Variants in STXBP5L observed in about 807,000 individuals in gnomAD.
STXBP5L encodes syntaxin binding protein 5L.
Under a neutral mutation model 144.5 loss-of-function variants are expected in STXBP5L, and 65 were observed. The observed-to-expected ratio is 0.45, with a 90% confidence interval of 0.37 to 0.55. The LOEUF (loss-of-function observed/expected upper bound fraction) is 0.55, where lower values mean the gene tolerates loss of function less well. Ranked by LOEUF, STXBP5L falls within the 20% of genes least tolerant of loss-of-function variation. STXBP5L has a pLI of 0.00. For synonymous variants in STXBP5L, 505 were observed against 469.6 expected, an observed-to-expected ratio of 1.08 and a Z score of -0.97; for missense variants, 1,298 against 1,405.5, an observed-to-expected ratio of 0.92 and a Z score of 1.22.
intron 7 of STXBP5L, among the ~76,000 whole-genome samples, chr3:121,123,423 T>C (rs1025121587): frequency 1.3e-5 from 2 of 151,752 alleles, no homozygotes; most frequent in Admixed American, 1.3e-4. Context: ...AAATGAATGC[T>C]GATGTATTCA....
chr3:121,368,024 A>C (rs1443143140), intron 20 of STXBP5L, among the ~76,000 whole-genome samples: 2 of 151,788 alleles, frequency 1.3e-5, no homozygotes, highest in African/African-American at 4.8e-5. Flanking sequence ...GTTTCATCAA[A>C]TTTGAGAAGT....
intron 2 of STXBP5L, among the ~76,000 whole-genome samples, chr3:120,922,915 G>T (rs1709426775): frequency 6.6e-6 from 1 of 151,894 alleles, no homozygotes; most frequent in South Asian, 2.1e-4. Flanking sequence ...TTTTTGAAGA[G>T]TTTGAGTAGA....
In STXBP5L at chr3:121,106,234, G is replaced by A. The variant is rs573859046; in HGVS notation, c.471-8691G>A. 2.6e-5 allele frequency among the ~76,000 whole-genome samples: 4 copies of A among 152,118 alleles called. No individual in the cohort carries two copies. The East Asian group carries it at 7.7e-4, about 29-fold the overall frequency. On this transcript the variant is annotated intron_variant, in intron 5 of 26. Coordinates refer to ENST00000471454, the MANE Select transcript of STXBP5L (RefSeq NM_001308330.2). ...AAACGGATGTGTGTGTATAATCTGG[G>A]ACAATACATTTTTAAAAATTTAATT...
At chr3:121,394,570 AG>A (rs1308609669) in intron 22 of STXBP5L, among the ~76,000 whole-genome samples, 2 of 148,728 alleles carry the variant, frequency 1.3e-5, no homozygotes, top group African/African-American at 2.5e-5. Context: ...ATTATTTTGA[AG>A]CATATTCTTT....
intron 20 of STXBP5L, among the ~76,000 whole-genome samples, chr3:121,377,727 T>G (rs2046226283): frequency 6.6e-6 from 1 of 152,098 alleles, no homozygotes. Flanking sequence ...TTGGTGGGAG[T>G]GTAAATTAGT....
At chr3:121,380,909 A>G (rs1307133616) in intron 21 of STXBP5L, among the ~76,000 whole-genome samples, 1 of 152,150 alleles carries the variant, frequency 6.6e-6, no homozygotes, top group African/African-American at 2.4e-5. Flanking sequence ...GATTCTTCCA[A>G]CAATTCAGAG....
chr3:121,163,662 A>G (rs2046400770), intron 9 of STXBP5L, among the ~76,000 whole-genome samples: 1 of 152,198 alleles, frequency 6.6e-6, no homozygotes, highest in Non-Finnish European at 1.5e-5. Context: ...AGATAAACAC[A>G]GTATGAAAAT....
chr3:121,044,738 C>G (rs893379365), intron 4 of STXBP5L, among the ~76,000 whole-genome samples: 1 of 152,158 alleles, frequency 6.6e-6, no homozygotes, highest in African/African-American at 2.4e-5. Flanking sequence ...CAGTTATTAT[C>G]TGTCCACATG....
intron 22 of STXBP5L, among the ~76,000 whole-genome samples, chr3:121,387,958 T>C (rs1230060984): frequency 2.0e-5 from 3 of 152,204 alleles, no homozygotes; most frequent in Non-Finnish European, 4.4e-5. Context: ...GGTAGCTTGA[T>C]GGGGATGGCA....
At chr3:120,960,007 C>T (rs1938567867) in intron 3 of STXBP5L, among the ~76,000 whole-genome samples, 1 of 152,172 alleles carries the variant, frequency 6.6e-6, no homozygotes, top group Admixed American at 6.5e-5. Context: ...ATCTACCTAT[C>T]TGACAAAGGG....
At chr3:121,105,486 C>T (rs576604049) in intron 5 of STXBP5L, among the ~76,000 whole-genome samples, 105 of 152,072 alleles carry the variant, frequency 6.9e-4, no homozygotes, top group African/African-American at 2.3e-3. Flanking sequence ...CAGGGAAATG[C>T]AAATCAAAAC....
chr3:120,969,855 ATACT>A (rs1429932490), intron 3 of STXBP5L, among the ~76,000 whole-genome samples: 1 of 151,734 alleles, frequency 6.6e-6, no homozygotes, highest in Non-Finnish European at 1.5e-5. Flanking sequence ...TGTTTTGTAG[ATACT>A]TTCTTTCTGT....
At chr3:121,318,779 C>T (rs2043870347) in intron 20 of STXBP5L, among the ~76,000 whole-genome samples, 1 of 151,998 alleles carries the variant, frequency 6.6e-6, no homozygotes, top group Admixed American at 6.6e-5. Flanking sequence ...CTTTAAAAGA[C>T]ATTTTAAAGG....
In STXBP5L at chr3:121,415,919, C is replaced by G. The variant is rs752365910; in HGVS notation, c.3177C>G (p.Leu1059=). 1 of 1,613,482 alleles carries G rather than the reference C, an allele frequency of 6.2e-7. No homozygotes were observed. The highest frequency in any genetic ancestry group is 8.5e-7 in the Non-Finnish European group (1 of 1,179,650). ...CAGAAGCTCAAAACAGAGGCTTTCT[C>G]AAGGGACTGTTTGGTGGAAGCGGAC... ...ETPEAQNRGF[L]KGLFGGSGQT... is the part of the protein sequence containing the mutation. Residue 1059 remains leucine (L), a synonymous_variant, in exon 25 of 27, where the codon CTC becomes CTG. Transcript: ENST00000471454.
At chr3:120,975,474 T>G (rs116196524) in intron 3 of STXBP5L, among the ~76,000 whole-genome samples, 6,057 of 152,314 alleles carry the variant, frequency 0.04, 169 homozygotes, top group Middle Eastern at 0.082. Flanking sequence ...AGATAACAAT[T>G]CATGTCATCT....
At chr3:121,393,885 T>C (rs1199416392) in intron 22 of STXBP5L, among the ~76,000 whole-genome samples, 1 of 152,224 alleles carries the variant, frequency 6.6e-6, no homozygotes, top group Non-Finnish European at 1.5e-5. Context: ...TCATTCTTTT[T>C]GCTTAGGATT....
At position 121,142,999 on chromosome 3, in the gene STXBP5L, CAAAT is replaced by C. The variant is rs930822323; in HGVS notation, c.670-9470_670-9467del. 3.3e-5 allele frequency among the ~76,000 whole-genome samples: 5 copies of C among 151,568 alleles called. No homozygotes were observed. In the South Asian group the frequency reaches 8.3e-4, roughly 25 times the overall value. ...CACTAAGTAAAAAAGATTTAAAATT[CAAAT>C]AAATAAAATCAGAAATGAAAGGAGT... is the stretch of plus-strand genomic sequence containing the variant. On this transcript the variant is annotated intron_variant, in intron 7 of 26. Coordinates refer to ENST00000471454, the MANE Select transcript of STXBP5L (RefSeq NM_001308330.2).
intron 3 of STXBP5L, among the ~76,000 whole-genome samples, chr3:121,026,833 ACTT>A (rs917064290): frequency 6.6e-6 from 1 of 151,752 alleles, no homozygotes; most frequent in Non-Finnish European, 1.5e-5. Context: ...GTACCCTAAA[ACTT>A]AAAGTATTAT....
At chr3:121,054,820 T>G (rs1203663935) in intron 5 of STXBP5L, among the ~76,000 whole-genome samples, 1 of 152,150 alleles carries the variant, frequency 6.6e-6, no homozygotes, top group Non-Finnish European at 1.5e-5. Context: ...GATCACCATA[T>G]TGATTTTATC....
Sources: gnomAD v4.1 joint callset for allele counts (sites outside exome capture counted in the v4.1 genomes callset) on GRCh38, gnomAD v4.1.1 for gene constraint, MANE v1.5 for transcripts, NCBI Gene and HGNC (gene_info 2026-07-23, HGNC 2026-07-21) for gene names.